The following DRG1 variants were observed in gnomAD, a reference collection of about 807,000 sequenced individuals.
The protein encoded by DRG1 is developmentally-regulated GTP-binding protein 1.
In DRG1, 19 loss-of-function variants were observed where a neutral mutation model predicts 38.8. The observed-to-expected ratio is 0.49, with a 90% CI of 0.34 to 0.72. The LOEUF (loss-of-function observed/expected upper bound fraction) is 0.72, where lower values mean the gene tolerates loss of function less well. Among genes scored for constraint, DRG1 ranks in the 30% least tolerant of loss-of-function variants. DRG1 has a pLI of 0.01. For missense variants in DRG1, 299 were observed against 444.8 expected (o/e 0.67, Z 2.95); for synonymous variants, 167 against 157.5 (o/e 1.06, Z -0.45).
At chr22:31,433,156 A>G (rs1031191136) in intron 8 of DRG1, among the ~76,000 whole-genome samples, 2 of 151,974 alleles carry the variant, frequency 1.3e-5, no homozygotes, top group Non-Finnish European at 2.9e-5. Flanking sequence ...GTACCCACTG[A>G]TGGTTTCAGG....
At chr22:31,418,552 G>A (rs1172638973) in intron 4 of DRG1, among the ~76,000 whole-genome samples, 1 of 151,982 alleles carries the variant, frequency 6.6e-6, no homozygotes, top group Non-Finnish European at 1.5e-5. Flanking sequence ...TGCCCAGGCT[G>A]GCTGGAGTGC....
chr22:31,412,027 C>CA (rs1387946009), intron 4 of DRG1, among the ~76,000 whole-genome samples: 1 of 151,888 alleles, frequency 6.6e-6, no homozygotes, highest in East Asian at 1.9e-4. Context: ...CACTGTGGCT[C>CA]ACGCCTGTAA....
intron 2 of DRG1, among the ~76,000 whole-genome samples, 162 bp downstream of exon 2, chr22:31,400,905 G>C (rs924045588): frequency 3.3e-5 from 5 of 149,690 alleles, no homozygotes; most frequent in African/African-American, 1.2e-4. Flanking sequence ...TTGAGGCCAG[G>C]AGTTCAAGAC....
intron 4 of DRG1, among the ~76,000 whole-genome samples, chr22:31,413,913 C>T (rs930138487): frequency 2.0e-5 from 3 of 151,926 alleles, no homozygotes; most frequent in Admixed American, 6.6e-5. Context: ...CGGGCCCTCC[C>T]GACACCTGTC....
chr22:31,416,392 G>C (rs771798663), intron 4 of DRG1, among the ~76,000 whole-genome samples: 1 of 152,168 alleles, frequency 6.6e-6, no homozygotes, highest in African/African-American at 2.4e-5. Context: ...TACAAGCTAC[G>C]GTAAATGACC....
intron 4 of DRG1, among the ~76,000 whole-genome samples, chr22:31,411,816 T>C (rs1055750256): frequency 6.6e-6 from 1 of 151,986 alleles, no homozygotes; most frequent in African/African-American, 2.4e-5. Context: ...ATTTTTATTT[T>C]ACCCTTGTAC....
At chr22:31,410,058 A>G (rs1340225480) in intron 3 of DRG1, among the ~76,000 whole-genome samples, 1 of 152,064 alleles carries the variant, frequency 6.6e-6, no homozygotes, top group Non-Finnish European at 1.5e-5. Flanking sequence ...CATGGGTTAT[A>G]ACCTATTAGG....
intron 2 of DRG1, among the ~76,000 whole-genome samples, chr22:31,402,754 C>A (rs1490687945): frequency 1.3e-5 from 2 of 152,138 alleles, no homozygotes; most frequent in Non-Finnish European, 2.9e-5. Flanking sequence ...AAGAGATCCT[C>A]CTGCCTCAGC....
rs867375459 is a variant in DRG1 at position 31,431,025 on chromosome 22, C to A, written c.1005-2847C>A. 5.9e-5 allele frequency among the ~76,000 whole-genome samples: 7 copies of A among 119,102 alleles called. 1 individual carries two copies. The highest frequency in any genetic ancestry group is 8.7e-5 in the Admixed American group (1 of 11,534). 78.1% of individuals were successfully genotyped at this position (119,102 alleles called of 152,430 possible). ...TAGCCACTGCACCCGGCCTTCCCCC[C>A]CCCCCCCCGCTTTTTTTTTTTTTTT... On this transcript the variant is annotated intron_variant, in intron 8 of 8. Transcript: ENST00000331457.
At chr22:31,404,707 C>T (rs764147713) in intron 3 of DRG1, among the ~76,000 whole-genome samples, 6 of 151,706 alleles carry the variant, frequency 4.0e-5, no homozygotes, top group Admixed American at 1.3e-4. Context: ...CTGCAACCTC[C>T]GCCTCCAGGG....
chr22:31,416,786 C>G (rs1436990784), intron 4 of DRG1, among the ~76,000 whole-genome samples: 2 of 151,638 alleles, frequency 1.3e-5, no homozygotes, highest in Non-Finnish European at 2.9e-5. Context: ...GCCTATAGTC[C>G]CAGCTACTCA....
chr22:31,403,072 T>G lies in DRG1; in HGVS notation c.210T>G (p.Val70=). ...CAGGTGATGCTCGAATTGGATTTGT[T>G]GGTTTTCCATCTGTGGGGAAGTCAA... ...AKTGDARIGF[V]GFPSVGKSTL... Residue 70 remains valine (V), a synonymous_variant, in exon 3 of 9, where the codon GTT becomes GTG. Transcript: ENST00000331457. 6.2e-7 allele frequency: 1 copy of G among 1,613,720 alleles called. No homozygotes were observed. Among genetic ancestry groups the G allele is most frequent in the Non-Finnish European group, 8.5e-7 (1 of 1,179,978 alleles).
intron 4 of DRG1, among the ~76,000 whole-genome samples, chr22:31,414,184 G>C (rs902911209): frequency 6.6e-6 from 1 of 152,112 alleles, no homozygotes; most frequent in Non-Finnish European, 1.5e-5. Context: ...TATGCCAAAT[G>C]AGAGTTATTT....
intron 8 of DRG1, among the ~76,000 whole-genome samples, chr22:31,430,169 G>T (rs1458885057): frequency 6.6e-6 from 1 of 152,144 alleles, no homozygotes; most frequent in Non-Finnish European, 1.5e-5. Flanking sequence ...TTCAAGATGT[G>T]GGTGCTAAGC....
rs1299273606 is a variant in DRG1 at position 31,420,550 on chromosome 22, A to G, written c.582+125A>G. 2.6e-6 allele frequency: 3 copies of G among 1,168,508 alleles called. No individual in the cohort carries two copies. In the Admixed American group the frequency reaches 8.2e-5, roughly 32 times the overall value. The allele number at this position is 1,168,508 out of a possible 1,614,324, so 72.4% of individuals were successfully genotyped here. ...TCCCTGCACTAATTGAGATAACACAATGACTTTATAATGACTGACAAGAAA... is the reference window on the plus strand; with the variant it reads ...TCCCTGCACTAATTGAGATAACACAGTGACTTTATAATGACTGACAAGAAA... On this transcript the variant is annotated intron_variant, in intron 5 of 8. Transcript: ENST00000331457.
At chr22:31,423,207 A>C (rs138589549) in intron 5 of DRG1, 73 bp from the exon 6 acceptor site, 2 of 1,577,512 alleles carry the variant, frequency 1.3e-6, no homozygotes, top group East Asian at 2.2e-5. Context: ...TTCCAGGTAC[A>C]TGGATATTGG....
intron 8 of DRG1, among the ~76,000 whole-genome samples, chr22:31,432,984 G>A (rs1400327676): frequency 6.6e-6 from 1 of 151,744 alleles, no homozygotes; most frequent in Non-Finnish European, 1.5e-5. Context: ...TTATTCACCA[G>A]TTTTCATCTC....
intron 1 of DRG1, 21 bp downstream of exon 1, chr22:31,399,746 T>C: frequency 6.2e-7 from 1 of 1,613,896 alleles, no homozygotes; most frequent in South Asian, 1.1e-5. Context: ...CAGCTGGCGG[T>C]TCACTCTTAG....
At chr22:31,430,426 G>C (rs1020438731) in intron 8 of DRG1, among the ~76,000 whole-genome samples, 2 of 148,562 alleles carry the variant, frequency 1.3e-5, no homozygotes, top group Non-Finnish European at 3.0e-5. Flanking sequence ...TTGAGATGGA[G>C]TCTCGCTCTG....
Sources: allele counts gnomAD v4.1 joint callset (sites outside exome capture counted in the v4.1 genomes callset), GRCh38; gene constraint gnomAD v4.1.1; transcripts MANE v1.5; gene names NCBI Gene and HGNC (gene_info 2026-07-23, HGNC 2026-07-21).